Variants in ANKRD6 observed in about 807,000 individuals in gnomAD.
ANKRD6 encodes ankyrin repeat domain-containing protein 6.
A neutral mutation model predicts 82.3 loss-of-function variants in ANKRD6; 56 were observed. That is an observed-to-expected ratio of 0.68 (90% CI 0.55 to 0.85). The LOEUF is 0.85. Among genes scored for constraint, ANKRD6 ranks in the 40% least tolerant of loss-of-function variants. ANKRD6 has a pLI of 0.00. For synonymous variants in ANKRD6, 347 were observed against 352.1 expected (o/e 0.99, Z 0.16); for missense variants, 852 against 907.6 (o/e 0.94, Z 0.79).
chr6:89,541,583 G>T (rs916926947), intron 1 of ANKRD6, among the ~76,000 whole-genome samples: 1 of 151,430 alleles, frequency 6.6e-6, no homozygotes, highest in Non-Finnish European at 1.5e-5. Flanking sequence ...TAGTAGAGAC[G>T]GGATTTCACT....
chr6:89,550,950 T>C (rs1785768730), intron 1 of ANKRD6, among the ~76,000 whole-genome samples: 1 of 151,706 alleles, frequency 6.6e-6, no homozygotes, highest in Admixed American at 6.6e-5. Flanking sequence ...AGACAAAAAA[T>C]AAAAAACAGC....
intron 7 of ANKRD6, among the ~76,000 whole-genome samples, chr6:89,614,685 G>T (rs1346655179): frequency 1.3e-5 from 2 of 151,820 alleles, no homozygotes; most frequent in Non-Finnish European, 2.9e-5. Flanking sequence ...TTAAAAATTG[G>T]GCAGAGTGGC....
At chr6:89,528,223 A>G (rs1782748018) in intron 1 of ANKRD6, among the ~76,000 whole-genome samples, 2 of 152,260 alleles carry the variant, frequency 1.3e-5, no homozygotes, top group East Asian at 1.9e-4. Flanking sequence ...TACTCACAGT[A>G]GAACTTCTTT....
At chr6:89,629,303 T>C in intron 15 of ANKRD6, 65 bp downstream of exon 15, 1 of 1,603,606 alleles carries the variant, frequency 6.2e-7, no homozygotes, top group South Asian at 1.1e-5. Flanking sequence ...TGTACTCTCC[T>C]GCACTGAAAG....
chr6:89,533,897 C>T (rs1783505992), intron 1 of ANKRD6, among the ~76,000 whole-genome samples: 1 of 152,082 alleles, frequency 6.6e-6, no homozygotes, highest in South Asian at 2.1e-4. Context: ...TTTCAGTGAC[C>T]TGGCGGTACC....
intron 7 of ANKRD6, among the ~76,000 whole-genome samples, chr6:89,614,988 G>C (rs111366905): frequency 6.4e-4 from 97 of 152,282 alleles, no homozygotes; most frequent in African/African-American, 2.0e-3. Context: ...ATAATCTGTA[G>C]AGAGTGCCAT....
At position 89,571,872 on chromosome 6, in the gene ANKRD6, A is replaced by G. The variant is rs76052719; in HGVS notation, c.120+4776A>G. Among the ~76,000 whole-genome samples, 51 of 152,274 alleles carry G rather than the reference A, an allele frequency of 3.3e-4. 1 individual carries two copies. In the East Asian group the frequency reaches 9.7e-3, roughly 29 times the overall value. On this transcript the variant is annotated intron_variant, in intron 2 of 15. Transcript: ENST00000339746. ...GACATACATCCACCAGTATAGTATCATATAGATTATTTTTACTGCTCTAAA... is the reference window on the plus strand; with the variant it reads ...GACATACATCCACCAGTATAGTATCGTATAGATTATTTTTACTGCTCTAAA...
chr6:89,622,130 T>C, intron 10 of ANKRD6, 104 bp downstream of exon 10: 1 of 948,948 alleles, frequency 1.1e-6, no homozygotes, highest in South Asian at 1.6e-5. Context: ...CCCGGCCCTC[T>C]CTGCCTCTCC....
intron 1 of ANKRD6, among the ~76,000 whole-genome samples, chr6:89,492,399 G>A (rs929388238): frequency 6.6e-6 from 1 of 152,146 alleles, no homozygotes; most frequent in African/African-American, 2.4e-5. Context: ...TCTTAACACC[G>A]GGTGACCCAG....
chr6:89,554,253 A>T (rs1168984631), intron 1 of ANKRD6, among the ~76,000 whole-genome samples: 1 of 152,098 alleles, frequency 6.6e-6, no homozygotes, highest in Non-Finnish European at 1.5e-5. Context: ...TCTGGAGGAG[A>T]CTGTTCCCTT....
At chr6:89,610,810 A>G (rs1800052141) in intron 5 of ANKRD6, among the ~76,000 whole-genome samples, 1 of 151,946 alleles carries the variant, frequency 6.6e-6, no homozygotes, top group Admixed American at 6.6e-5. Flanking sequence ...ACTTAAAAAA[A>G]AAAAAAACCT....
In ANKRD6 at chr6:89,433,638, G is replaced by C. The variant is rs1770240690; in HGVS notation, c.-144+263G>C. Among the ~76,000 whole-genome samples, 1 of 152,210 alleles carries C rather than the reference G, an allele frequency of 6.6e-6. No individual in the cohort carries two copies. Among genetic ancestry groups the C allele is most frequent in the Admixed American group, 6.5e-5 (1 of 15,290 alleles). ...CTCCCTGGAATATGGAACTTCGGGCGAGGGAGGTGGAGAACTTTCTTCTGG... is the reference window on the plus strand; with the variant it reads ...CTCCCTGGAATATGGAACTTCGGGCCAGGGAGGTGGAGAACTTTCTTCTGG... On this transcript the variant is annotated intron_variant, in intron 1 of 15. Transcript: ENST00000339746. The surrounding 1 kb of genome is among the most constrained non-coding windows in gnomAD (Gnocchi z 4.3).
At chr6:89,557,745 C>T (rs1018139656) in intron 1 of ANKRD6, among the ~76,000 whole-genome samples, 10 of 152,156 alleles carry the variant, frequency 6.6e-5, no homozygotes, top group African/African-American at 2.2e-4. Context: ...CTCCCCATCA[C>T]TTGCATTACT....
intron 1 of ANKRD6, among the ~76,000 whole-genome samples, chr6:89,520,925 C>A (rs1318031647): frequency 6.6e-6 from 1 of 152,114 alleles, no homozygotes; most frequent in Non-Finnish European, 1.5e-5. Context: ...GAGGCCAAGG[C>A]TGCAGTGATC....
At chr6:89,489,088 A>G (rs554046573) in intron 1 of ANKRD6, among the ~76,000 whole-genome samples, 2 of 152,004 alleles carry the variant, frequency 1.3e-5, no homozygotes, top group South Asian at 4.1e-4. Flanking sequence ...TCCTCTTGGT[A>G]CCGGGTCCAA....
rs1050689671 is a variant in ANKRD6, at chr6:89,623,406, G to C, written c.898-4G>C. On this transcript the variant is annotated splice_polypyrimidine_tract_variant and splice_region_variant and intron_variant, in intron 10 of 15. Coordinates refer to ENST00000339746, the MANE Select transcript of ANKRD6 (RefSeq NM_001242809.2). ...ATGGGTCTCTGGGCTTTTTCCTTCT[G>C]TAGGGCAGTGTCTCAGCAGGAGACA... The C allele has an allele frequency of 6.2e-7, 1 of 1,611,006 alleles. No homozygotes were observed. The highest frequency in any genetic ancestry group is 1.3e-5 in the African/African-American group (1 of 74,772).
At chr6:89,592,809 G>A (rs1795160941) in intron 2 of ANKRD6, among the ~76,000 whole-genome samples, 1 of 152,082 alleles carries the variant, frequency 6.6e-6, no homozygotes, top group African/African-American at 2.4e-5. Flanking sequence ...AAAAAACGTT[G>A]CCAGGCACAT....
At chr6:89,511,156 C>A (rs1449123388) in intron 1 of ANKRD6, among the ~76,000 whole-genome samples, 2 of 152,224 alleles carry the variant, frequency 1.3e-5, no homozygotes, top group Non-Finnish European at 1.5e-5. Flanking sequence ...CCCACCACAG[C>A]CCGATTCCTC....
At chr6:89,520,860 C>T (rs1781806488) in intron 1 of ANKRD6, among the ~76,000 whole-genome samples, 1 of 152,156 alleles carries the variant, frequency 6.6e-6, no homozygotes, top group African/African-American at 2.4e-5. Context: ...CCAGCATATG[C>T]TCCTATAGTC....
Sources: gnomAD v4.1 joint callset for allele counts (sites outside exome capture counted in the v4.1 genomes callset) on GRCh38, gnomAD v4.1.1 for gene constraint, Gnocchi (gnomAD v3.1) non-coding constraint, MANE v1.5 for transcripts, NCBI Gene and HGNC (gene_info 2026-07-23, HGNC 2026-07-21) for gene names.